Variants in RSRC1 observed in about 807,000 individuals in gnomAD.
RSRC1 encodes the protein arginine and serine rich coiled-coil 1.
In RSRC1, 39 loss-of-function variants were observed where a neutral mutation model predicts 49.1. The observed-to-expected ratio is 0.79, with a 90% confidence interval of 0.61 to 1.04. RSRC1 has a LOEUF of 1.04. RSRC1 is among the 50% of genes least tolerant of loss of function. RSRC1 has a pLI of 0.00. For missense variants in RSRC1, 388 were observed against 402.4 expected (o/e 0.96, Z 0.31); for synonymous variants, 143 against 130.8 (o/e 1.09, Z -0.63).
At chr3:158,361,037 G>A (rs73170339) in intron 6 of RSRC1, among the ~76,000 whole-genome samples, 33,410 of 152,176 alleles carry the variant, frequency 0.22, 4,274 homozygotes, top group Non-Finnish European at 0.29. Flanking sequence ...CTGGCTCTCA[G>A]GGGTGGCCCG....
chr3:158,123,582 G>C (rs1452231729), intron 2 of RSRC1, among the ~76,000 whole-genome samples: 2 of 152,192 alleles, frequency 1.3e-5, no homozygotes, highest in African/African-American at 4.8e-5. Context: ...ACAGGCATGA[G>C]CTACTGAGCC....
intron 7 of RSRC1, among the ~76,000 whole-genome samples, chr3:158,529,214 G>GTATATATATATATATATA (rs10596761): frequency 2.1e-5 from 3 of 143,120 alleles, no homozygotes; most frequent in African/African-American, 7.9e-5. Flanking sequence ...ATGTGTGTGT[G>GTATATATATATATATATA]TATATATATA....
chr3:158,183,644 C>G (rs550907690), intron 3 of RSRC1, among the ~76,000 whole-genome samples: 1 of 151,992 alleles, frequency 6.6e-6, no homozygotes, highest in African/African-American at 2.4e-5. Context: ...CAGCTGGGTT[C>G]GGTGGCTCAT....
At chr3:158,153,404 A>G (rs1717672404) in intron 3 of RSRC1, among the ~76,000 whole-genome samples, 2 of 152,212 alleles carry the variant, frequency 1.3e-5, no homozygotes, top group Non-Finnish European at 2.9e-5. Flanking sequence ...TCATTCTTAA[A>G]TAAAACATCA....
At chr3:158,499,792 T>C (rs1219115195) in intron 7 of RSRC1, among the ~76,000 whole-genome samples, 1 of 152,150 alleles carries the variant, frequency 6.6e-6, no homozygotes, top group Non-Finnish European at 1.5e-5. Context: ...TCAAGGTAAT[T>C]GATCATATCG....
chr3:158,124,554 T>A lies in RSRC1; in HGVS notation c.320+563T>A, dbSNP rs1000211399. Among the ~76,000 whole-genome samples the A allele has an allele frequency of 3.3e-5, 5 of 152,290 alleles. No homozygotes were observed. In the South Asian group the frequency reaches 1.0e-3, roughly 32 times the overall value. On this transcript the variant is annotated intron_variant, in intron 3 of 9. Coordinates refer to ENST00000611884, the MANE Select transcript of RSRC1 (RefSeq NM_001271838.2). Reference sequence around the variant, plus strand: ...GCAGTGAAGCTATCTGCTCCTGGGCTTTTCTTTGTTAGAAGGTTTTTGCTT... The same window carrying A: ...GCAGTGAAGCTATCTGCTCCTGGGCATTTCTTTGTTAGAAGGTTTTTGCTT...
chr3:158,518,758 C>T (rs1409940656), intron 7 of RSRC1, among the ~76,000 whole-genome samples: 1 of 152,090 alleles, frequency 6.6e-6, no homozygotes, highest in Non-Finnish European at 1.5e-5. Context: ...CTCAACCGAC[C>T]ACACTATTCT....
At chr3:158,341,094 C>T (rs1404690375) in intron 5 of RSRC1, among the ~76,000 whole-genome samples, 2 of 152,114 alleles carry the variant, frequency 1.3e-5, no homozygotes, top group African/African-American at 4.8e-5. Context: ...TTGTTAAAGG[C>T]ATTCAGTCTT....
At position 158,267,858 on chromosome 3, in the gene RSRC1, CTATTT is replaced by C. The variant is rs1252554933; in HGVS notation, c.495-30179_495-30175del. 3.3e-5 allele frequency among the ~76,000 whole-genome samples: 3 copies of C among 91,226 alleles called. No individual in the cohort carries two copies. In the East Asian group the frequency reaches 1.1e-3, roughly 33 times the overall value. The allele number at this position is 91,226 out of a possible 152,430, so 59.8% of individuals were successfully genotyped here. On this transcript the variant is annotated intron_variant, in intron 4 of 9. Transcript: ENST00000611884. ...TTTCTTATGCTGTTTGTTTCCATAT[CTATTT>C]TTTTTTTTTTTTTTTGGCTTAAAAA... is the stretch of plus-strand genomic sequence containing the variant.
intron 7 of RSRC1, among the ~76,000 whole-genome samples, chr3:158,530,906 TAATA>T (rs1192032581): frequency 0.044 from 1,751 of 39,354 alleles, 35 homozygotes; most frequent in African/African-American, 0.13. Flanking sequence ...AAAAAAAAAA[TAATA>T]AATAAAAAAA....
At chr3:158,132,547 G>A (rs1716106845) in intron 3 of RSRC1, among the ~76,000 whole-genome samples, 1 of 152,068 alleles carries the variant, frequency 6.6e-6, no homozygotes, top group Non-Finnish European at 1.5e-5. Context: ...AAAATGCTGA[G>A]TTTTTTGAAC....
chr3:158,454,344 G>T (rs12637243), intron 6 of RSRC1, among the ~76,000 whole-genome samples: 20,293 of 151,928 alleles, frequency 0.13, 1,488 homozygotes, highest in Middle Eastern at 0.2. Context: ...ATCATTTTGA[G>T]AATTCAGTGA....
chr3:158,305,868 A>C (rs913621203), intron 5 of RSRC1, among the ~76,000 whole-genome samples: 7 of 152,032 alleles, frequency 4.6e-5, no homozygotes, highest in African/African-American at 1.4e-4. Flanking sequence ...TCACTTTTTT[A>C]ATTTTCCCCT....
At chr3:158,149,080 A>G (rs1347086277) in intron 3 of RSRC1, among the ~76,000 whole-genome samples, 1 of 152,194 alleles carries the variant, frequency 6.6e-6, no homozygotes, top group Non-Finnish European at 1.5e-5. Flanking sequence ...CACTGCGCCC[A>G]GTCACAAATG....
At chr3:158,488,281 A>G (rs1738913959) in intron 7 of RSRC1, among the ~76,000 whole-genome samples, 1 of 152,170 alleles carries the variant, frequency 6.6e-6, no homozygotes, top group East Asian at 1.9e-4. Context: ...ATTCTAAATA[A>G]TAGGAAAGTA....
intron 5 of RSRC1, among the ~76,000 whole-genome samples, chr3:158,325,915 A>T (rs75963914): frequency 0.97 from 148,132 of 152,052 alleles, 72,184 homozygotes; most frequent in East Asian, 1. Context: ...TGAGCAGTGG[A>T]TTGTAGTTCT....
At chr3:158,175,994 C>T (rs1386181192) in intron 3 of RSRC1, among the ~76,000 whole-genome samples, 1 of 151,922 alleles carries the variant, frequency 6.6e-6, no homozygotes, top group African/African-American at 2.4e-5. Context: ...TTAAGCTCTT[C>T]TCTACACCGA....
chr3:158,338,286 G>A (rs149571169), intron 5 of RSRC1, among the ~76,000 whole-genome samples: 2 of 151,894 alleles, frequency 1.3e-5, no homozygotes, highest in African/African-American at 4.8e-5. Flanking sequence ...TTGCTATCAA[G>A]AATGGAAAAC....
intron 7 of RSRC1, among the ~76,000 whole-genome samples, chr3:158,467,269 C>T (rs1248651524): frequency 2.6e-5 from 4 of 152,128 alleles, no homozygotes; most frequent in Non-Finnish European, 4.4e-5. Flanking sequence ...AGCCCATATA[C>T]TCAAAGAGCT....
Sources: gnomAD v4.1 joint callset for allele counts (sites outside exome capture counted in the v4.1 genomes callset) on GRCh38, gnomAD v4.1.1 for gene constraint, MANE v1.5 for transcripts, NCBI Gene and HGNC (gene_info 2026-07-23, HGNC 2026-07-21) for gene names.